ASH1L: variants seen among roughly 807,000 people sequenced by gnomAD.
ASH1L encodes ASH1 like histone lysine methyltransferase, also known as histone-lysine N-methyltransferase ASH1L.
In ASH1L, 23 loss-of-function variants were observed where a neutral mutation model predicts 269.0. The ratio of observed to expected loss-of-function variants is 0.09; its 90% CI spans 0.06 to 0.12. The LOEUF (loss-of-function observed/expected upper bound fraction) is 0.12. Ranked by LOEUF, ASH1L falls within the 10% of genes least tolerant of loss-of-function variation. The pLI, the probability that ASH1L is intolerant of heterozygous loss-of-function variation, is 1.00. For missense variants in ASH1L, 2,912 were observed against 3,567.8 expected, an observed-to-expected ratio of 0.82 and a Z score of 4.68; for synonymous variants, 1,187 against 1,253.5, an observed-to-expected ratio of 0.95 and a Z score of 1.12.
At chr1:155,446,611 CT>C (rs1186369283) in intron 4 of ASH1L, among the ~76,000 whole-genome samples, 3,225 of 132,916 alleles carry the variant, frequency 0.024, 115 homozygotes, top group African/African-American at 0.081. Flanking sequence ...ATTTCAGTTT[CT>C]TTTTTTTTTT....
intron 25 of ASH1L, among the ~76,000 whole-genome samples, chr1:155,339,728 T>C (rs61518562): frequency 0.01 from 1,586 of 152,308 alleles, 33 homozygotes; most frequent in African/African-American, 0.036. Context: ...CTAGATAGTA[T>C]AGCCTACTAT....
chr1:155,357,452 C>T (rs758351859), intron 14 of ASH1L, 42 bp from the exon 15 acceptor site: 72 of 1,594,460 alleles, frequency 4.5e-5, no homozygotes, highest in Admixed American at 3.4e-5. Context: ...AAAAAAATAT[C>T]AGTCAGAAAT....
intron 19 of ASH1L, among the ~76,000 whole-genome samples, chr1:155,348,895 A>ATAT (rs1443738494): frequency 4.9e-4 from 23 of 46,808 alleles, no homozygotes; most frequent in South Asian, 2.8e-3. Flanking sequence ...AAAAAAAAAA[A>ATAT]AAAAATATAT....
intron 1 of ASH1L, among the ~76,000 whole-genome samples, chr1:155,535,275 G>A (rs565278427): frequency 4.6e-5 from 7 of 150,710 alleles, no homozygotes; most frequent in Non-Finnish European, 1.0e-4. Flanking sequence ...TGTTGCCAAG[G>A]CTGGAATGCA....
chr1:155,502,276 T>G (rs1290180277), intron 2 of ASH1L, among the ~76,000 whole-genome samples: 1 of 152,022 alleles, frequency 6.6e-6, no homozygotes, highest in Non-Finnish European at 1.5e-5. Context: ...TTCACCATGT[T>G]GGCCAGGATA....
rs1652492061 is a variant in ASH1L at position 155,338,366 on chromosome 1, T to G, written c.8526A>C (p.Ser2842=). The change falls in exon 27 of 28, where the codon TCA becomes TCC. Residue 2842 remains serine, a synonymous_variant. Coordinates refer to ENST00000392403, the MANE Select transcript of ASH1L (RefSeq NM_018489.3). ...GGRSSWKSER[S]KPPLKDLGQE... ...GGCCCAAGTCTTTTAGGGGTGGCTT[T>G]GAGCGCTCAGACTTCCAGGATGATC... is the stretch of plus-strand genomic sequence containing the variant. 2 of 1,613,464 alleles carry G rather than the reference T, an allele frequency of 1.2e-6. No individual in the cohort carries two copies. Among genetic ancestry groups the G allele is most frequent in the Admixed American group, 1.7e-5 (1 of 59,944 alleles).
intron 10 of ASH1L, among the ~76,000 whole-genome samples, chr1:155,371,279 G>A (rs1468997812): frequency 6.6e-6 from 1 of 152,178 alleles, no homozygotes; most frequent in Non-Finnish European, 1.5e-5. Flanking sequence ...TGGGCAAGGT[G>A]GCTCATGCCT....
At position 155,357,420 on chromosome 1, in the gene ASH1L, A is replaced by G; in HGVS notation, c.6961-10T>C. 6.2e-7 allele frequency: 1 copy of G among 1,607,988 alleles called. No individual in the cohort carries two copies. The highest frequency in any genetic ancestry group is 1.1e-5 in the South Asian group (1 of 90,882). ...CAGAGAGATGGCCTCTCTGAAAAAG[A>G]GATGGATCAGATTAGAGATTTAAAA... On this transcript the variant is annotated splice_polypyrimidine_tract_variant and intron_variant, in intron 14 of 27. Transcript: ENST00000392403.
intron 2 of ASH1L, among the ~76,000 whole-genome samples, chr1:155,509,034 C>T (rs1667993084): frequency 1.3e-5 from 2 of 151,944 alleles, no homozygotes. Context: ...GAACAATATA[C>T]AAACTTTATA....
chr1:155,420,787 T>C (rs1164271889), intron 5 of ASH1L, among the ~76,000 whole-genome samples: 3 of 145,884 alleles, frequency 2.1e-5, no homozygotes, highest in Admixed American at 6.9e-5. Context: ...GAGGTGGAGG[T>C]TGCAGTGAGC....
intron 1 of ASH1L, among the ~76,000 whole-genome samples, chr1:155,526,772 A>G (rs138292531): frequency 1.3e-5 from 2 of 152,308 alleles, no homozygotes; most frequent in Non-Finnish European, 2.9e-5. Context: ...CTATCACAAT[A>G]TATAAACGAT....
At chr1:155,493,845 G>T (rs1448843830) in intron 2 of ASH1L, among the ~76,000 whole-genome samples, 1 of 152,166 alleles carries the variant, frequency 6.6e-6, no homozygotes, top group African/African-American at 2.4e-5. Flanking sequence ...CTGCACTCCA[G>T]CCTGGGGGAT....
rs1342836866 is a variant in ASH1L, at chr1:155,434,390, G to A, written c.5828+3937C>T. ...CTAAGGAAGGAATTGGGAACACAAA[G>A]GGTGGGGGCAGGGGAGTTTGGGGCA... On this transcript the variant is annotated intron_variant, in intron 5 of 27. Coordinates refer to ENST00000392403, the MANE Select transcript of ASH1L (RefSeq NM_018489.3). The A allele has an allele frequency of 3.6e-6, 5 of 1,371,688 alleles. No individual in the cohort carries two copies. In the Admixed American group the frequency reaches 1.1e-4, roughly 29 times the overall value. 85.0% of individuals were successfully genotyped at this position (1,371,688 alleles called of 1,614,324 possible).
chr1:155,504,119 T>A (rs1032423957), intron 2 of ASH1L, among the ~76,000 whole-genome samples: 2 of 152,246 alleles, frequency 1.3e-5, no homozygotes, highest in Non-Finnish European at 2.9e-5. Flanking sequence ...GACACCCTCT[T>A]ATTTTTCAAC....
intron 7 of ASH1L, among the ~76,000 whole-genome samples, chr1:155,385,814 G>A (rs1243667101): frequency 2.6e-5 from 4 of 152,130 alleles, no homozygotes; most frequent in African/African-American, 9.7e-5. Context: ...AGACCAAGTT[G>A]CCTACTAGGC....
Position 155,562,415 on chromosome 1 carries a change from T to TGGCGGCGGGAGC in ASH1L, c.-374_-363dup, listed in dbSNP as rs1558229532. 7 of 1,487,414 alleles carry TGGCGGCGGGAGC rather than the reference T, an allele frequency of 4.7e-6. No homozygotes were observed. Among genetic ancestry groups the TGGCGGCGGGAGC allele is most frequent in the Admixed American group, 2.0e-5 (1 of 50,800 alleles). 92.1% of individuals were successfully genotyped at this position (1,487,414 alleles called of 1,614,324 possible). A position where few individuals can be genotyped will look rare whatever the true frequency, so the allele number is the denominator to read the frequency against. On this transcript the variant is annotated 5_prime_UTR_variant, in exon 1 of 28. Transcript: ENST00000392403. ...TCCCCTCCGCAAAGCGAACCCAAAA[T>TGGCGGCGGGAGC]GGCGGCGGGAGCGGCGGCGGCGGCG...
intron 2 of ASH1L, among the ~76,000 whole-genome samples, chr1:155,505,838 T>C (rs541085980): frequency 8.5e-5 from 13 of 152,246 alleles, no homozygotes; most frequent in South Asian, 2.1e-4. Context: ...ACACTATTAT[T>C]ATCATTATTT....
chr1:155,347,983 G>A, intron 19 of ASH1L, 79 bp from the exon 20 acceptor site: 1 of 1,570,970 alleles, frequency 6.4e-7, no homozygotes. Context: ...TAGCAAGGTA[G>A]CATGACTTTC....
At chr1:155,510,886 A>G (rs1668118774) in intron 2 of ASH1L, among the ~76,000 whole-genome samples, 1 of 152,212 alleles carries the variant, frequency 6.6e-6, no homozygotes, top group African/African-American at 2.4e-5. Context: ...TTTCACTGAA[A>G]GTAAACTGAT....
Sources: allele counts gnomAD v4.1 joint callset (sites outside exome capture counted in the v4.1 genomes callset), GRCh38; gene constraint gnomAD v4.1.1; transcripts MANE v1.5; gene names NCBI Gene and HGNC (gene_info 2026-07-23, HGNC 2026-07-21).